SNTG1: variants seen among roughly 807,000 people sequenced by gnomAD.
SNTG1 encodes the protein syntrophin gamma 1.
Under a neutral mutation model 74.7 loss-of-function variants are expected in SNTG1, and 39 were observed. That is an observed-to-expected ratio of 0.52 (90% confidence interval 0.40 to 0.68). The LOEUF is 0.68. SNTG1 is among the 30% of genes least tolerant of loss of function. The pLI, the probability that SNTG1 is intolerant of heterozygous loss-of-function variation, is 0.00. For missense variants in SNTG1, 685 were observed against 609.5 expected (o/e 1.12, Z -1.30); for synonymous variants, 254 against 217.1 (o/e 1.17, Z -1.49).
At chr8:50,504,637 C>A (rs1286784051) in intron 9 of SNTG1, among the ~76,000 whole-genome samples, 1 of 151,686 alleles carries the variant, frequency 6.6e-6, no homozygotes, top group Non-Finnish European at 1.5e-5. Flanking sequence ...ACCAAAAATA[C>A]AAAAAAACCC....
rs562552341 is a variant in SNTG1, at chr8:50,386,304, G to A, written c.-27-7908G>A. ...TTGGTGGACCACAGTGGTGTTTTGT[G>A]TCTCCAGGAATTAGTGTCATTTCAG... On this transcript the variant is annotated intron_variant, in intron 2 of 18. Coordinates refer to ENST00000642720, the MANE Select transcript of SNTG1 (RefSeq NM_018967.5). Among the ~76,000 whole-genome samples the A allele has an allele frequency of 5.3e-5, 8 of 152,162 alleles. No homozygotes were observed. In the South Asian group the frequency reaches 1.7e-3, roughly 32 times the overall value.
At chr8:49,930,561 GTA>G (rs34139870) in intron 1 of SNTG1, among the ~76,000 whole-genome samples, 18,141 of 149,650 alleles carry the variant, frequency 0.12, 1,319 homozygotes, top group South Asian at 0.24. Flanking sequence ...ATATGTGTGT[GTA>G]TATATATATA....
At chr8:50,284,781 G>A (rs1277871303) in intron 2 of SNTG1, among the ~76,000 whole-genome samples, 1 of 152,136 alleles carries the variant, frequency 6.6e-6, no homozygotes, top group East Asian at 1.9e-4. Flanking sequence ...AGATGGTAAA[G>A]ATGTTAATTA....
At chr8:50,102,888 C>A (rs1409450099) in intron 1 of SNTG1, among the ~76,000 whole-genome samples, 1 of 149,158 alleles carries the variant, frequency 6.7e-6, no homozygotes, top group African/African-American at 2.5e-5. Context: ...GGCGTTATTT[C>A]TGAGGGCTCT....
At chr8:50,720,525 G>C (rs1044222378) in intron 17 of SNTG1, among the ~76,000 whole-genome samples, 2 of 152,136 alleles carry the variant, frequency 1.3e-5, no homozygotes, top group African/African-American at 4.8e-5. Context: ...GACAGATCTA[G>C]AATTGGGTAG....
intron 8 of SNTG1, among the ~76,000 whole-genome samples, chr8:50,465,424 G>A (rs2093601477): frequency 6.6e-6 from 1 of 152,138 alleles, no homozygotes; most frequent in Admixed American, 6.6e-5. Flanking sequence ...TCTGCATTTT[G>A]TCATATCTCA....
intron 1 of SNTG1, among the ~76,000 whole-genome samples, chr8:50,131,201 A>G (rs2081305819): frequency 6.6e-6 from 1 of 152,112 alleles, no homozygotes; most frequent in Admixed American, 6.6e-5. Context: ...TTTCAGTGTG[A>G]AGGCTAGCAA....
At chr8:50,241,902 G>A (rs1284818166) in intron 2 of SNTG1, among the ~76,000 whole-genome samples, 2 of 151,988 alleles carry the variant, frequency 1.3e-5, no homozygotes, top group East Asian at 3.9e-4. Flanking sequence ...TCAGTCTCAG[G>A]TCATCTGCCC....
At chr8:49,913,962 A>G (rs1311826066) in intron 1 of SNTG1, among the ~76,000 whole-genome samples, 1 of 151,994 alleles carries the variant, frequency 6.6e-6, no homozygotes, top group East Asian at 1.9e-4. Context: ...TCACAAAGTG[A>G]AAGTTACCTT....
At chr8:49,986,076 A>G (rs1487146389) in intron 1 of SNTG1, among the ~76,000 whole-genome samples, 1 of 152,240 alleles carries the variant, frequency 6.6e-6, no homozygotes, top group Non-Finnish European at 1.5e-5. Flanking sequence ...TTTTAGTATT[A>G]GTTCTATTAT....
chr8:50,401,361 G>C (rs1032308125), intron 3 of SNTG1, among the ~76,000 whole-genome samples: 10 of 152,110 alleles, frequency 6.6e-5, no homozygotes, highest in African/African-American at 2.4e-4. Context: ...TATGTATTCT[G>C]GATAAATGAC....
intron 1 of SNTG1, among the ~76,000 whole-genome samples, chr8:49,938,238 G>A (rs140709028): frequency 6.6e-6 from 1 of 152,088 alleles, no homozygotes; most frequent in Non-Finnish European, 1.5e-5. Flanking sequence ...ATTGTCTCTC[G>A]AATCTCATAT....
At chr8:50,536,019 C>T (rs912243010) in intron 10 of SNTG1, among the ~76,000 whole-genome samples, 1 of 152,028 alleles carries the variant, frequency 6.6e-6, no homozygotes, top group East Asian at 1.9e-4. Flanking sequence ...ATATTAGTCT[C>T]CTCTATATAT....
In SNTG1 at chr8:50,684,881, TC is replaced by T. The variant is rs1432964706; in HGVS notation, c.1039-19713del. On this transcript the variant is annotated intron_variant, in intron 15 of 18. Coordinates refer to ENST00000642720, the MANE Select transcript of SNTG1 (RefSeq NM_018967.5). ...TAGGCGTATCTCCCAATGCTATCCC[TC>T]CCCCCTCCCCCCACCCCACCACAGT... Among the ~76,000 whole-genome samples the T allele has an allele frequency of 1.4e-4, 11 of 76,666 alleles. No individual in the cohort carries two copies. The East Asian group carries it at 4.2e-3, about 29-fold the overall frequency. The allele number at this position is 76,666 out of a possible 152,430, so 50.3% of individuals were successfully genotyped here. A position where few individuals can be genotyped will look rare whatever the true frequency, so the allele number is the denominator to read the frequency against.
chr8:50,308,003 G>A (rs1382387445), intron 2 of SNTG1, among the ~76,000 whole-genome samples: 1 of 151,880 alleles, frequency 6.6e-6, no homozygotes, highest in African/African-American at 2.4e-5. Flanking sequence ...GAAAATATAT[G>A]TTGCTAGAGG....
intron 2 of SNTG1, among the ~76,000 whole-genome samples, chr8:50,363,518 A>ATGTG (rs61604839): frequency 1.3e-5 from 2 of 151,432 alleles, no homozygotes; most frequent in Non-Finnish European, 3.0e-5. Context: ...GGGTGTGTGT[A>ATGTG]TGTGTGTGTG....
chr8:50,633,396 T>G (rs2095016738), intron 13 of SNTG1, among the ~76,000 whole-genome samples: 1 of 152,172 alleles, frequency 6.6e-6, no homozygotes, highest in South Asian at 2.1e-4. Context: ...GCAGGAAAAT[T>G]CATAGCCACT....
chr8:50,669,151 T>C (rs888092791), intron 15 of SNTG1, among the ~76,000 whole-genome samples: 1 of 151,530 alleles, frequency 6.6e-6, no homozygotes, highest in Admixed American at 6.6e-5. Context: ...AGCAAACACA[T>C]TCAAAAGCTA....
intron 17 of SNTG1, among the ~76,000 whole-genome samples, chr8:50,741,741 T>C (rs1290363755): frequency 1.3e-5 from 2 of 152,010 alleles, no homozygotes; most frequent in African/African-American, 2.4e-5. Context: ...CAAATGCACA[T>C]TACTAAGTGA....
Sources: gnomAD v4.1 joint callset for allele counts (sites outside exome capture counted in the v4.1 genomes callset) on GRCh38, gnomAD v4.1.1 for gene constraint, MANE v1.5 for transcripts, NCBI Gene and HGNC (gene_info 2026-07-23, HGNC 2026-07-21) for gene names.